The following GRIA1 variants were observed in gnomAD, a reference collection of about 807,000 sequenced individuals.
The protein encoded by GRIA1 is glutamate ionotropic receptor AMPA type subunit 1.
Under a neutral mutation model 99.2 loss-of-function variants are expected in GRIA1, and 31 were observed. The ratio of observed to expected loss-of-function variants is 0.31; its 90% CI spans 0.23 to 0.42. The LOEUF (loss-of-function observed/expected upper bound fraction) is 0.42. Among genes scored for constraint, GRIA1 ranks in the 10% least tolerant of loss-of-function variants. The pLI, the probability that GRIA1 is intolerant of heterozygous loss-of-function variation, is 1.00. For synonymous variants in GRIA1, 438 were observed against 432.4 expected (o/e 1.01, Z -0.16); for missense variants, 782 against 1,157.5 (o/e 0.68, Z 4.71).
chr5:153,588,174 G>T (rs1013953053), intron 2 of GRIA1, among the ~76,000 whole-genome samples: 1 of 152,188 alleles, frequency 6.6e-6, no homozygotes, highest in African/African-American at 2.4e-5. Flanking sequence ...GTGGGATCAG[G>T]CTGAATAAAT....
intron 8 of GRIA1, among the ~76,000 whole-genome samples, chr5:153,691,832 C>T (rs1757786776): frequency 6.6e-6 from 1 of 152,156 alleles, no homozygotes; most frequent in Non-Finnish European, 1.5e-5. Context: ...TATGTTCTTG[C>T]CCCTCTACAA....
Position 153,794,750 on chromosome 5 carries a change from G to GAAAAAAAAAA in GRIA1, c.2385+17_2385+26dup. 1.6e-6 allele frequency: 2 copies of GAAAAAAAAAA among 1,231,912 alleles called. No individual in the cohort carries two copies. Among genetic ancestry groups the GAAAAAAAAAA allele is most frequent in the Admixed American group, 2.3e-5 (1 of 42,924 alleles). 76.3% of individuals were successfully genotyped at this position (1,231,912 alleles called of 1,614,324 possible). The stretch of plus-strand genomic sequence containing the variant: ...GTGATTCCAAGGTCAGCCCCAGTAA[G>GAAAAAAAAAA]AAAAAAAAAAACCTAGTGGGTATGA... On this transcript the variant is annotated intron_variant, in intron 14 of 15. Transcript: ENST00000285900.
intron 3 of GRIA1, among the ~76,000 whole-genome samples, chr5:153,647,823 G>C (rs1222711421): frequency 2.0e-5 from 3 of 151,858 alleles, no homozygotes; most frequent in African/African-American, 7.3e-5. Context: ...TCTTCTCTAT[G>C]TCTTTACTCA....
At chr5:153,630,815 T>A (rs935771604) in intron 2 of GRIA1, among the ~76,000 whole-genome samples, 1 of 152,176 alleles carries the variant, frequency 6.6e-6, no homozygotes, top group Non-Finnish European at 1.5e-5. Context: ...TGTAGCAGCA[T>A]GGCTGTGGTG....
Position 153,646,931 on chromosome 5 carries a change from G to C in GRIA1, c.224G>C (p.Cys75Ser). The C allele has an allele frequency of 6.2e-7, 1 of 1,613,766 alleles. No individual in the cohort carries two copies. Residue 75 changes from cysteine (C) to serine (S), a missense_variant, in exon 3 of 16, where the codon TGT (cysteine) becomes TCT (serine). Around this residue, in one of 5 missense-constraint regions of GRIA1, gnomAD observed 461 missense variants for 521.7 expected, o/e 0.88. Transcript: ENST00000285900. ...TAATCCTTCTCTTCTCTTGTAGTCT[G>C]TTCCCAGTTCTCCAAAGGAGTCTAT... ...SDSFEMTYRF[C>S]SQFSKGVYAI...
intron 11 of GRIA1, among the ~76,000 whole-genome samples, chr5:153,707,476 T>A (rs1453322356): frequency 1.3e-5 from 2 of 152,328 alleles, no homozygotes; most frequent in East Asian, 3.9e-4. Context: ...CTCTATTTCC[T>A]TTTACAGTTG....
At chr5:153,599,023 A>C (rs1223035438) in intron 2 of GRIA1, among the ~76,000 whole-genome samples, 1 of 152,078 alleles carries the variant, frequency 6.6e-6, no homozygotes, top group African/African-American at 2.4e-5. Flanking sequence ...CTGGAACTGC[A>C]GGCGCCCGCC....
chr5:153,687,583 A>C (rs11167637), intron 8 of GRIA1, among the ~76,000 whole-genome samples: 55,602 of 152,018 alleles, frequency 0.37, 10,713 homozygotes, highest in South Asian at 0.45. Flanking sequence ...AATAAATTCC[A>C]ATTTAAAAAT....
At chr5:153,626,038 G>A (rs190778502) in intron 2 of GRIA1, among the ~76,000 whole-genome samples, 48 of 152,276 alleles carry the variant, frequency 3.2e-4, no homozygotes, top group African/African-American at 1.1e-3. Flanking sequence ...CTGGAGGGAG[G>A]GAGACCTGAC....
At chr5:153,519,348 C>T (rs1213476236) in intron 2 of GRIA1, among the ~76,000 whole-genome samples, 1 of 151,976 alleles carries the variant, frequency 6.6e-6, no homozygotes, top group Non-Finnish European at 1.5e-5. Flanking sequence ...GGGCTCAGCA[C>T]TCTGTTTTAA....
At chr5:153,695,425 A>G (rs1758024716) in intron 8 of GRIA1, among the ~76,000 whole-genome samples, 1 of 152,228 alleles carries the variant, frequency 6.6e-6, no homozygotes, top group South Asian at 2.1e-4. Flanking sequence ...GCTGAGCATT[A>G]GAGCAAGGAT....
At chr5:153,512,497 G>A (rs1193383289) in intron 2 of GRIA1, among the ~76,000 whole-genome samples, 1 of 152,192 alleles carries the variant, frequency 6.6e-6, no homozygotes, top group Non-Finnish European at 1.5e-5. Context: ...ACACAGACAA[G>A]TGAGTACAAC....
chr5:153,646,780 A>G, intron 2 of GRIA1, 148 bp from the exon 3 acceptor site: 1 of 800,470 alleles, frequency 1.2e-6, no homozygotes, highest in South Asian at 1.7e-5. Context: ...GAATGGATGG[A>G]TTGGTTTGTT....
intron 7 of GRIA1, among the ~76,000 whole-genome samples, chr5:153,685,539 T>C (rs963079945): frequency 2.0e-5 from 3 of 152,204 alleles, no homozygotes; most frequent in Non-Finnish European, 4.4e-5. Flanking sequence ...CCTAGGTGCT[T>C]TGAAGTTTTC....
intron 2 of GRIA1, among the ~76,000 whole-genome samples, chr5:153,616,457 C>T (rs1426144265): frequency 6.7e-6 from 1 of 148,746 alleles, no homozygotes; most frequent in Non-Finnish European, 1.5e-5. Context: ...ACACCAACAT[C>T]AATGATGAGC....
intron 2 of GRIA1, among the ~76,000 whole-genome samples, chr5:153,592,864 C>CTT (rs1764089249): frequency 6.6e-6 from 1 of 152,200 alleles, no homozygotes; most frequent in African/African-American, 2.4e-5. Context: ...AGATGGCCAC[C>CTT]TTCTTGCTGC....
intron 2 of GRIA1, among the ~76,000 whole-genome samples, chr5:153,639,071 T>A (rs963309682): frequency 6.6e-6 from 1 of 152,224 alleles, no homozygotes; most frequent in Non-Finnish European, 1.5e-5. Context: ...ATCCCATGTC[T>A]GTCGTGCCAT....
intron 2 of GRIA1, among the ~76,000 whole-genome samples, chr5:153,572,371 A>G (rs1762185525): frequency 6.6e-6 from 1 of 152,182 alleles, no homozygotes; most frequent in South Asian, 2.1e-4. Flanking sequence ...TGGCAGAAGG[A>G]GAAGTGGAGT....
chr5:153,603,354 G>T (rs1422709255), intron 2 of GRIA1, among the ~76,000 whole-genome samples: 1 of 150,434 alleles, frequency 6.6e-6, no homozygotes, highest in Non-Finnish European at 1.5e-5. Context: ...CCAAGTCTTT[G>T]CTATTGTGAA....
Sources: allele counts gnomAD v4.1 joint callset (sites outside exome capture counted in the v4.1 genomes callset), GRCh38; gene constraint gnomAD v4.1.1; regional missense constraint gnomAD v4.1.1; transcripts MANE v1.5; gene names NCBI Gene and HGNC (gene_info 2026-07-23, HGNC 2026-07-21).